P3H2: variants seen among roughly 807,000 people sequenced by gnomAD.
P3H2 encodes prolyl 3-hydroxylase 2.
P3H2 carries 80 observed loss-of-function variants against 87.0 expected under a neutral mutation model. That is an observed-to-expected ratio of 0.92 (90% CI 0.77 to 1.11). P3H2 has a LOEUF of 1.11. P3H2 is among the 50% of genes least tolerant of loss of function. The pLI is 0.00. For missense variants in P3H2, 1,001 were observed against 923.9 expected (o/e 1.08, Z -1.08); for synonymous variants, 367 against 359.3 (o/e 1.02, Z -0.24).
Position 190,120,538 on chromosome 3 carries a change from C to T in P3H2, c.194G>A (p.Arg65His). 1.3e-6 allele frequency: 2 copies of T among 1,507,364 alleles called. No homozygotes were observed. Among genetic ancestry groups the T allele is most frequent in the Non-Finnish European group, 1.8e-6 (2 of 1,136,660 alleles). The allele number at this position is 1,507,364 out of a possible 1,614,324, so 93.4% of individuals were successfully genotyped here. ...YYSGDYERAV[R>H]DLEAALRSHR... ...GCTGCGCAGCGCCGCTTCCAAGTCG[C>T]GCACCGCTCGCTCGTAGTCTCCGCT... The change falls in exon 1 of 15, where the codon CGC (arginine) becomes CAC (histidine). Residue 65 changes from arginine (R) to histidine (H), a missense_variant. By Grantham distance (29) the Arg-to-His change is conservative. Transcript: ENST00000319332.
At chr3:190,063,635 T>G (rs1577304183) in intron 1 of P3H2, among the ~76,000 whole-genome samples, 1 of 152,154 alleles carries the variant, frequency 6.6e-6, no homozygotes, top group Admixed American at 6.6e-5. Flanking sequence ...ATTTCCACCC[T>G]TGATGTTCTG....
At chr3:189,972,334 A>AT (rs2108908562) in intron 11 of P3H2, among the ~76,000 whole-genome samples, 1 of 152,272 alleles carries the variant, frequency 6.6e-6, no homozygotes, top group South Asian at 2.1e-4. Flanking sequence ...GGAAATGAAA[A>AT]TTTTTTAAAA....
At chr3:189,984,661 A>C (rs1723637518) in intron 6 of P3H2, 71 bp from the exon 7 acceptor site, 1 of 1,047,932 alleles carries the variant, frequency 9.5e-7, no homozygotes, top group Non-Finnish European at 1.5e-6. Context: ...GAATTAAGAT[A>C]AAATAAAATA....
At chr3:189,998,280 C>A (rs1304388026) in intron 1 of P3H2, among the ~76,000 whole-genome samples, 2 of 152,160 alleles carry the variant, frequency 1.3e-5, no homozygotes, top group Non-Finnish European at 2.9e-5. Flanking sequence ...TACTGACATA[C>A]TCTGATTCTA....
At position 189,994,193 on chromosome 3, in the gene P3H2, C is replaced by T. The variant is rs948793764; in HGVS notation, c.724G>A (p.Val242Ile). 1.2e-5 allele frequency: 20 copies of T among 1,613,590 alleles called. No homozygotes were observed. Among genetic ancestry groups the T allele is most frequent in the Middle Eastern group, 1.6e-4 (1 of 6,078 alleles). The change falls in exon 3 of 15, where the codon GTT (valine) becomes ATT (isoleucine). Residue 242 changes from valine (V) to isoleucine (I), a missense_variant. Val to Ile is a conservative substitution (Grantham distance 29, BLOSUM62 3). Transcript: ENST00000319332. ...HFEQALREYF[V>I]EDTECRTLCE... The stretch of plus-strand genomic sequence containing the variant: ...AGGGTCCGGCATTCTGTATCTTCAA[C>T]GAAATATTCTCTTAAGGCTTGTTCG...
At chr3:190,021,029 AGACCCCAG>A (rs1724914905) in intron 1 of P3H2, among the ~76,000 whole-genome samples, 1 of 134,452 alleles carries the variant, frequency 7.4e-6, no homozygotes, top group African/African-American at 2.6e-5. Context: ...GAAAAATCTG[AGACCCCAG>A]GACCCTAAGT....
chr3:190,043,531 A>T (rs181134193), intron 1 of P3H2, among the ~76,000 whole-genome samples: 2 of 152,204 alleles, frequency 1.3e-5, no homozygotes, highest in Admixed American at 6.5e-5. Context: ...CTACACAAGA[A>T]TTTCCTATTG....
Position 189,973,507 on chromosome 3 carries a change from C to CTTTTTTTTT in P3H2, c.1548+401_1548+402insAAAAAAAAA, listed in dbSNP as rs879286759. On this transcript the variant is annotated intron_variant, in intron 10 of 14. Coordinates refer to ENST00000319332, the MANE Select transcript of P3H2 (RefSeq NM_018192.4). ...TCAAAACTTTTTTCTTTCTTTCTTT[C>CTTTTTTTTT]TTTCTTTTTTTTTTTTTTTTTTTTT... is the stretch of plus-strand genomic sequence containing the variant. Among the ~76,000 whole-genome samples, 87 of 78,960 alleles carry CTTTTTTTTT rather than the reference C, an allele frequency of 1.1e-3. 10 individuals are homozygous for CTTTTTTTTT. Among genetic ancestry groups the CTTTTTTTTT allele is most frequent in the South Asian group, 3.2e-3 (6 of 1,892 alleles). The allele number at this position is 78,960 out of a possible 152,430, so 51.8% of individuals were successfully genotyped here.
In P3H2 at chr3:190,120,293, G is replaced by T; in HGVS notation, c.439C>A (p.Arg147Ser). ...TGCAGGTAGTTGTAGGGCACTCTGC[G>T]CTGGAAGTCGCTGCGCACATCCTCG... The part of the protein sequence containing the change: ...VSEDVRSDFQ[R>S]RVPYNYLQRA... The change falls in exon 1 of 15, where the codon CGC (arginine) becomes AGC (serine). Residue 147 changes from arginine (R) to serine (S), a missense_variant. By Grantham distance (110) the Arg-to-Ser change is moderately radical. Coordinates refer to ENST00000319332, the MANE Select transcript of P3H2 (RefSeq NM_018192.4). The T allele has an allele frequency of 6.2e-7, 1 of 1,609,722 alleles. No individual in the cohort carries two copies. The highest frequency in any genetic ancestry group is 8.5e-7 in the Non-Finnish European group (1 of 1,178,950).
At chr3:189,994,030 T>G (rs1723961588) in intron 3 of P3H2, 64 bp downstream of exon 3, 1 of 1,279,898 alleles carries the variant, frequency 7.8e-7, no homozygotes, top group East Asian at 2.4e-5. Context: ...GAATAGTTTT[T>G]TACAAATTGC....
chr3:189,961,813 A>T (rs1046151222), intron 14 of P3H2, among the ~76,000 whole-genome samples: 1 of 152,242 alleles, frequency 6.6e-6, no homozygotes, highest in African/African-American at 2.4e-5. Flanking sequence ...GTTTCCTATT[A>T]CAAAGGAGCA....
At chr3:190,085,577 C>T (rs1466675841) in intron 1 of P3H2, among the ~76,000 whole-genome samples, 1 of 152,146 alleles carries the variant, frequency 6.6e-6, no homozygotes, top group Non-Finnish European at 1.5e-5. Context: ...AATTGTTGTT[C>T]CTACTGGAAC....
intron 1 of P3H2, among the ~76,000 whole-genome samples, chr3:190,008,400 C>T (rs1355248640): frequency 6.6e-6 from 1 of 151,992 alleles, no homozygotes; most frequent in African/African-American, 2.4e-5. Context: ...ATTAAAGTTG[C>T]AAAGTGACTG....
At chr3:189,985,631 A>T (rs909943814) in intron 6 of P3H2, among the ~76,000 whole-genome samples, 2 of 149,802 alleles carry the variant, frequency 1.3e-5, no homozygotes, top group Non-Finnish European at 3.0e-5. Flanking sequence ...TTAATAATAA[A>T]TAATTTCTAA....
intron 8 of P3H2, among the ~76,000 whole-genome samples, chr3:189,980,135 A>G (rs573368113): frequency 1.3e-5 from 2 of 152,326 alleles, no homozygotes; most frequent in African/African-American, 4.8e-5. Context: ...GCTGTCCAGT[A>G]GGAATAATAC....
chr3:190,050,206 C>A lies in P3H2; in HGVS notation c.481-54764G>T, dbSNP rs28625047. On this transcript the variant is annotated intron_variant, in intron 1 of 14. Coordinates refer to ENST00000319332, the MANE Select transcript of P3H2 (RefSeq NM_018192.4). ...TAAGTCAAACGGGATTTCTTTCTTA[C>A]GCTGAACCATAATCTATCTCTCTAT... 6.9e-3 allele frequency among the ~76,000 whole-genome samples: 1,052 copies of A among 152,282 alleles called. 16 individuals are homozygous for A. The highest frequency in any genetic ancestry group is 0.025 in the African/African-American group (1,024 of 41,572).
At chr3:189,974,739 G>A (rs551049941) in intron 8 of P3H2, 54 bp from the exon 9 acceptor site, 8 of 1,609,782 alleles carry the variant, frequency 5.0e-6, no homozygotes, top group African/African-American at 2.7e-5. Flanking sequence ...CCGAAAGGAA[G>A]CACAGAATAC....
chr3:189,986,122 TA>T (rs1448697772), intron 6 of P3H2, among the ~76,000 whole-genome samples: 2 of 152,170 alleles, frequency 1.3e-5, no homozygotes, highest in Non-Finnish European at 2.9e-5. Context: ...TTAGGTAACA[TA>T]AAAGCATTAA....
At chr3:189,964,239 A>G in intron 13 of P3H2, 141 bp from the exon 14 acceptor site, 2 of 785,196 alleles carry the variant, frequency 2.5e-6, no homozygotes, top group Non-Finnish European at 4.3e-6. Context: ...GATGATGTAA[A>G]TTATCTCAAT....
Sources: gnomAD v4.1 joint callset for allele counts (sites outside exome capture counted in the v4.1 genomes callset) on GRCh38, gnomAD v4.1.1 for gene constraint, MANE v1.5 for transcripts, NCBI Gene and HGNC (gene_info 2026-07-23, HGNC 2026-07-21) for gene names.